The following ARK2N variants were observed in gnomAD, a reference collection of about 807,000 sequenced individuals.
ARK2N encodes arkadia (RNF111) N-terminal like PKA signaling regulator 2N, also known as protein ARK2N.
chr18:46,239,026 G>GGGGTAGT, the ARK2N span, among the ~76,000 whole-genome samples: 1 of 152,100 alleles, frequency 6.6e-6, no homozygotes, highest in African/African-American at 2.4e-5. Context: ...TATTAAAATA[G>GGGGTAGT]GGGTAGTAGA....
At chr18:46,236,251 A>G in the ARK2N span, among the ~76,000 whole-genome samples, 1 of 152,196 alleles carries the variant, frequency 6.6e-6, no homozygotes, top group Non-Finnish European at 1.5e-5. Context: ...GGGCTCAAGC[A>G]GTCCTCCTGC....
chr18:46,207,678 G>A, the ARK2N span, among the ~76,000 whole-genome samples: 1 of 152,158 alleles, frequency 6.6e-6, no homozygotes, highest in East Asian at 1.9e-4. Context: ...GTGAGCCACG[G>A]CGCCTGACCT....
the ARK2N span, among the ~76,000 whole-genome samples, chr18:46,180,841 A>T: frequency 6.6e-6 from 1 of 152,258 alleles, no homozygotes; most frequent in African/African-American, 2.4e-5. Context: ...AAGGGAAAAA[A>T]GTACTGCATA....
chr18:46,254,368 A>G, the ARK2N span, among the ~76,000 whole-genome samples: 5 of 152,226 alleles, frequency 3.3e-5, no homozygotes, highest in Non-Finnish European at 7.3e-5. Flanking sequence ...TTAGGATTAA[A>G]AGAAACCCCA....
At chr18:46,183,387 A>G in the ARK2N span, among the ~76,000 whole-genome samples, 7 of 152,188 alleles carry the variant, frequency 4.6e-5, no homozygotes, top group Non-Finnish European at 5.9e-5. Context: ...TTTCTATAAT[A>G]TATATTCTTT....
chr18:46,182,505 A>C, the ARK2N span, among the ~76,000 whole-genome samples: 1 of 152,112 alleles, frequency 6.6e-6, no homozygotes, highest in Non-Finnish European at 1.5e-5. Flanking sequence ...GCACCTTGGG[A>C]GGCAGAGTTG....
At chr18:46,245,586 A>G in the ARK2N span, among the ~76,000 whole-genome samples, 1 of 149,466 alleles carries the variant, frequency 6.7e-6, no homozygotes, top group Non-Finnish European at 1.5e-5. Context: ...AAAAAAAAAA[A>G]AAGAAAGAAA....
chr18:46,253,807 G>A, the ARK2N span: 1 of 1,610,092 alleles, frequency 6.2e-7, no homozygotes, highest in Non-Finnish European at 8.5e-7. Context: ...GATTGTGGGA[G>A]TTCAGGAACA....
chr18:46,211,551 T>G, the ARK2N span, among the ~76,000 whole-genome samples: 4 of 152,112 alleles, frequency 2.6e-5, no homozygotes, highest in South Asian at 8.3e-4. Flanking sequence ...GCATGATACC[T>G]GGAGAGGGAG....
the ARK2N span, among the ~76,000 whole-genome samples, chr18:46,201,779 C>CTTTTT: frequency 1.5e-5 from 2 of 135,770 alleles, no homozygotes; most frequent in Non-Finnish European, 1.6e-5. Context: ...CTTTTCTTTT[C>CTTTTT]TTTTTTTTTT....
chr18:46,233,164 TTAAAC>T, the ARK2N span, among the ~76,000 whole-genome samples: 6 of 152,146 alleles, frequency 3.9e-5, no homozygotes, highest in Admixed American at 2.0e-4. Context: ...TTCTTTTTCT[TTAAAC>T]TATATGTCCT....
At chr18:46,215,954 A>G in the ARK2N span, 3 of 1,614,188 alleles carry the variant, frequency 1.9e-6, no homozygotes, top group South Asian at 2.2e-5. Flanking sequence ...GCATCTGAAC[A>G]AGAGACAGCC....
chr18:46,193,541 G>A, the ARK2N span, among the ~76,000 whole-genome samples: 4 of 150,592 alleles, frequency 2.7e-5, no homozygotes, highest in East Asian at 1.9e-4. Flanking sequence ...CACCCACCTC[G>A]GCCTCCCAAA....
At chr18:46,198,163 A>G in the ARK2N span, among the ~76,000 whole-genome samples, 1 of 151,914 alleles carries the variant, frequency 6.6e-6, no homozygotes, top group East Asian at 1.9e-4. Flanking sequence ...TTAGCCGGGT[A>G]TGGTGGTGGC....
the ARK2N span, among the ~76,000 whole-genome samples, chr18:46,195,462 T>C: frequency 6.6e-6 from 1 of 151,518 alleles, no homozygotes; most frequent in Non-Finnish European, 1.5e-5. Context: ...TTACCCAGGC[T>C]GGTCTCAAAC....
At chr18:46,193,591 GTTTTT>G in the ARK2N span, among the ~76,000 whole-genome samples, 1 of 92,386 alleles carries the variant, frequency 1.1e-5, no homozygotes, top group African/African-American at 4.0e-5. Context: ...GCCCAGCCGG[GTTTTT>G]TTTTTTTTTT....
At chr18:46,238,131 A>G in the ARK2N span, among the ~76,000 whole-genome samples, 2 of 152,180 alleles carry the variant, frequency 1.3e-5, no homozygotes, top group South Asian at 2.1e-4. Flanking sequence ...ATGATTATAC[A>G]TGTAGGAGTG....
the ARK2N span, among the ~76,000 whole-genome samples, chr18:46,238,999 C>T: frequency 1.3e-5 from 2 of 151,928 alleles, no homozygotes; most frequent in African/African-American, 4.8e-5. Context: ...AAACAGCATT[C>T]GTTTATTTCT....
At chr18:46,183,371 A>G in the ARK2N span, among the ~76,000 whole-genome samples, 2 of 152,168 alleles carry the variant, frequency 1.3e-5, no homozygotes, top group African/African-American at 4.8e-5. Context: ...AAGCTTGATC[A>G]GATTGTTTCT....
Sources: allele counts gnomAD v4.1 joint callset (sites outside exome capture counted in the v4.1 genomes callset), GRCh38; gene constraint gnomAD v4.1.1; transcripts MANE v1.5; gene names NCBI Gene and HGNC (gene_info 2026-07-23, HGNC 2026-07-21).